The following MAD1L1 variants were observed in gnomAD, a reference collection of about 807,000 sequenced individuals.
MAD1L1 encodes mitotic arrest deficient 1 like 1, also known as mitotic spindle assembly checkpoint protein MAD1.
In MAD1L1, 95 loss-of-function variants were observed where a neutral mutation model predicts 96.9. That is an observed-to-expected ratio of 0.98 (90% CI 0.83 to 1.16). MAD1L1 has a LOEUF of 1.16. Among genes scored for constraint, MAD1L1 ranks in the 50% most tolerant of loss-of-function variants. The probability of loss-of-function intolerance (pLI) is 0.00; values close to 1 mark genes in which losing one functional copy is unlikely to be tolerated. For synonymous variants in MAD1L1, 473 were observed against 396.6 expected (o/e 1.19, Z -2.29); for missense variants, 1,007 against 954.4 (o/e 1.06, Z -0.73).
intron 11 of MAD1L1, among the ~76,000 whole-genome samples, chr7:2,144,204 T>G (rs1413181187): frequency 6.6e-6 from 1 of 152,190 alleles, no homozygotes; most frequent in African/African-American, 2.4e-5. Context: ...GAGGGAATCA[T>G]AAGAGCTTCC....
chr7:1,871,069 T>C (rs111519111), intron 18 of MAD1L1, among the ~76,000 whole-genome samples: 64,309 of 89,180 alleles, frequency 0.72, 23,656 homozygotes, highest in African/African-American at 0.85. Flanking sequence ...ACACCTGCCA[T>C]GCTGAACCCA....
At chr7:2,073,058 T>G (rs1299479534) in intron 11 of MAD1L1, among the ~76,000 whole-genome samples, 2 of 152,182 alleles carry the variant, frequency 1.3e-5, no homozygotes, top group Non-Finnish European at 2.9e-5. Context: ...GGATGTGGCC[T>G]GAGCTGCTTC....
intron 10 of MAD1L1, among the ~76,000 whole-genome samples, chr7:2,154,952 T>C (rs916523372): frequency 3.3e-5 from 5 of 152,076 alleles, no homozygotes; most frequent in African/African-American, 7.2e-5. Flanking sequence ...GTAAAGGACA[T>C]ACCCTTGAAC....
chr7:2,101,039 C>G (rs903524586), intron 11 of MAD1L1, among the ~76,000 whole-genome samples: 5 of 152,222 alleles, frequency 3.3e-5, no homozygotes, highest in African/African-American at 9.7e-5. Context: ...AACCACTTTC[C>G]CCATCAGCAA....
chr7:2,104,471 G>C (rs1786983477), intron 11 of MAD1L1, among the ~76,000 whole-genome samples: 1 of 152,216 alleles, frequency 6.6e-6, no homozygotes, highest in Admixed American at 6.5e-5. Context: ...GTGCCTACAG[G>C]GGGCGGCTGC....
Position 2,084,736 on chromosome 7 carries a change from G to A in MAD1L1, c.1074-15398C>T, listed in dbSNP as rs201047766. 4.6e-5 allele frequency among the ~76,000 whole-genome samples: 7 copies of A among 152,134 alleles called. No homozygotes were observed. The East Asian group carries it at 9.6e-4, about 21-fold the overall frequency. On this transcript the variant is annotated intron_variant, in intron 11 of 18. Transcript: ENST00000265854. ...CATCTCCTGGAACGTCCTGATGTCC[G>A]GCCCCAGATAACCCTGGGAGCCACC...
At chr7:1,881,181 G>C (rs897995020) in intron 18 of MAD1L1, among the ~76,000 whole-genome samples, 10 of 152,168 alleles carry the variant, frequency 6.6e-5, no homozygotes, top group African/African-American at 1.9e-4. Flanking sequence ...CTCATTCCCG[G>C]AAGTCTTACA....
intron 10 of MAD1L1, among the ~76,000 whole-genome samples, chr7:2,151,434 G>A (rs1789565949): frequency 6.6e-6 from 1 of 152,180 alleles, no homozygotes; most frequent in Admixed American, 6.5e-5. Context: ...ACAGCAGGAG[G>A]CCAGTGGAGA....
At chr7:2,149,940 C>T (rs1789488352) in intron 10 of MAD1L1, among the ~76,000 whole-genome samples, 2 of 152,206 alleles carry the variant, frequency 1.3e-5, no homozygotes, top group South Asian at 4.1e-4. Context: ...GCCTCACAAC[C>T]TGGGGCACAA....
intron 17 of MAD1L1, among the ~76,000 whole-genome samples, chr7:1,934,673 A>ATT (rs1789680513): frequency 6.7e-6 from 1 of 150,090 alleles, no homozygotes; most frequent in Admixed American, 6.6e-5. Flanking sequence ...GGGAACGAAC[A>ATT]GATGGGCGAA....
At chr7:1,871,096 C>T (rs1481710615) in intron 18 of MAD1L1, among the ~76,000 whole-genome samples, 1 of 146,748 alleles carries the variant, frequency 6.8e-6, no homozygotes, top group Non-Finnish European at 1.5e-5. Flanking sequence ...ACCTGCCACG[C>T]TGAACCCACC....
At chr7:1,867,372 C>A (rs953885594) in intron 18 of MAD1L1, among the ~76,000 whole-genome samples, 2 of 152,160 alleles carry the variant, frequency 1.3e-5, no homozygotes, top group African/African-American at 4.8e-5. Flanking sequence ...AGGAGAGAAG[C>A]GGGTCCAGCA....
chr7:1,912,618 C>T (rs1434955299), intron 17 of MAD1L1, among the ~76,000 whole-genome samples: 1 of 152,144 alleles, frequency 6.6e-6, no homozygotes, highest in Non-Finnish European at 1.5e-5. Flanking sequence ...GGGAACGGTC[C>T]TCAGAGCACT....
At chr7:1,989,137 G>C (rs1473211502) in intron 14 of MAD1L1, among the ~76,000 whole-genome samples, 3 of 152,350 alleles carry the variant, frequency 2.0e-5, no homozygotes, top group Non-Finnish European at 4.4e-5. Flanking sequence ...ATAAGCACAG[G>C]GTGAAGTTCA....
intron 5 of MAD1L1, among the ~76,000 whole-genome samples, chr7:2,220,143 C>A (rs533388949): frequency 2.0e-5 from 3 of 152,314 alleles, no homozygotes; most frequent in African/African-American, 7.2e-5. Flanking sequence ...GGCCAACCAA[C>A]AGGACAAAGA....
chr7:1,861,930 C>T (rs1194775636), intron 18 of MAD1L1, among the ~76,000 whole-genome samples: 1 of 152,014 alleles, frequency 6.6e-6, no homozygotes, highest in African/African-American at 2.4e-5. Context: ...GGACTCCTGG[C>T]CCCCCAGCCC....
At chr7:1,870,584 C>G (rs1228298578) in intron 18 of MAD1L1, among the ~76,000 whole-genome samples, 2 of 142,506 alleles carry the variant, frequency 1.4e-5, no homozygotes, top group African/African-American at 5.2e-5. Context: ...ACGCCTGCCA[C>G]GCTGAACCCA....
At chr7:1,906,459 G>A (rs1262768530) in intron 17 of MAD1L1, among the ~76,000 whole-genome samples, 1 of 152,126 alleles carries the variant, frequency 6.6e-6, no homozygotes, top group African/African-American at 2.4e-5. Flanking sequence ...CCCGCCCCAG[G>A]GCCCTGAGCC....
intron 11 of MAD1L1, among the ~76,000 whole-genome samples, chr7:2,106,556 G>T (rs73038472): frequency 0.027 from 4,136 of 152,238 alleles, 100 homozygotes; most frequent in South Asian, 0.09. Flanking sequence ...TCCCAGGGGT[G>T]GGGGGAGAAG....
Sources: gnomAD v4.1 joint callset for allele counts (sites outside exome capture counted in the v4.1 genomes callset) on GRCh38, gnomAD v4.1.1 for gene constraint, MANE v1.5 for transcripts, NCBI Gene and HGNC (gene_info 2026-07-23, HGNC 2026-07-21) for gene names.